RBFOX2: variants seen among roughly 807,000 people sequenced by gnomAD.
The protein encoded by RBFOX2 is RNA binding protein fox-1 homolog 2.
In RBFOX2, 10 loss-of-function variants were observed where a neutral mutation model predicts 49.1. The ratio of observed to expected loss-of-function variants is 0.20; its 90% CI spans 0.13 to 0.35. The LOEUF (loss-of-function observed/expected upper bound fraction) is 0.35. RBFOX2 is among the 10% of genes least tolerant of loss of function. The pLI is 1.00. For missense variants in RBFOX2, 323 were observed against 486.9 expected, an observed-to-expected ratio of 0.66 and a Z score of 3.17; for synonymous variants, 183 against 187.4, an observed-to-expected ratio of 0.98 and a Z score of 0.19.
chr22:35,810,099 T>A, intron 1 of RBFOX2, 95 bp from the exon 3 acceptor site: 1 of 1,214,102 alleles, frequency 8.2e-7, no homozygotes, highest in Non-Finnish European at 1.2e-6. Flanking sequence ...GAATATTCTC[T>A]CACTGCATAG....
chr22:35,780,317 TA>T (rs1944861094), intron 3 of RBFOX2, among the ~76,000 whole-genome samples: 1 of 147,250 alleles, frequency 6.8e-6, no homozygotes, highest in Non-Finnish European at 1.5e-5. Flanking sequence ...GCTTTTCTAA[TA>T]AAGTACCAGG....
chr22:35,986,701 A>T lies in RBFOX2; in HGVS notation c.186+41539T>A, dbSNP rs570702685. On this transcript the variant is annotated intron_variant, in intron 1 of 13. Coordinates refer to the RBFOX2 transcript ENST00000438146. The stretch of plus-strand genomic sequence containing the variant: ...GGCAAAAGAAAGAAGTATCAGCCAG[A>T]ATAGCTAAATGTATAGACGTATTCC... Among the ~76,000 whole-genome samples, 16 of 152,346 alleles carry T rather than the reference A, an allele frequency of 1.1e-4. 1 individual carries two copies. In the South Asian group the frequency reaches 3.3e-3, roughly 32 times the overall value.
intron 6 of RBFOX2, among the ~76,000 whole-genome samples, chr22:35,764,238 A>T (rs543224442): frequency 6.6e-6 from 1 of 152,248 alleles, no homozygotes; most frequent in Admixed American, 6.5e-5. Context: ...TCCTTGATTT[A>T]AGACATTATT....
chr22:35,896,379 CACAAA>C, intron 1 of RBFOX2, among the ~76,000 whole-genome samples: 1 of 152,114 alleles, frequency 6.6e-6, no homozygotes, highest in Non-Finnish European at 1.5e-5. Flanking sequence ...TTAAAGAAAA[CACAAA>C]ACAAAATAAA....
intron 1 of RBFOX2, among the ~76,000 whole-genome samples, chr22:35,815,646 G>T (rs1952881821): frequency 6.6e-6 from 1 of 152,062 alleles, no homozygotes; most frequent in African/African-American, 2.4e-5. Flanking sequence ...CACACAAACA[G>T]ATCAATATTA....
chr22:35,948,115 T>C (rs2054517227), intron 1 of RBFOX2, among the ~76,000 whole-genome samples: 1 of 152,250 alleles, frequency 6.6e-6, no homozygotes, highest in Non-Finnish European at 1.5e-5. Flanking sequence ...ATACATTAGA[T>C]ACATGTTTCC....
At chr22:35,921,662 T>C (rs905462206) in intron 1 of RBFOX2, among the ~76,000 whole-genome samples, 3 of 152,168 alleles carry the variant, frequency 2.0e-5, no homozygotes, top group African/African-American at 7.2e-5. Flanking sequence ...CCCCAGCACA[T>C]TGAGGGAATT....
At chr22:35,897,329 A>T (rs191354679) in intron 1 of RBFOX2, 1 of 1,427,774 alleles carries the variant, frequency 7.0e-7, no homozygotes, top group East Asian at 2.3e-5. Flanking sequence ...AGTAAGTGTG[A>T]TGAAGCCGCA....
At chr22:35,762,465 T>C (rs980529309) in intron 6 of RBFOX2, among the ~76,000 whole-genome samples, 1 of 151,384 alleles carries the variant, frequency 6.6e-6, no homozygotes, top group Non-Finnish European at 1.5e-5. Context: ...ATTCTATAAA[T>C]ATACGAATGA....
upstream of RBFOX2, among the ~76,000 whole-genome samples, chr22:35,962,957 T>A (rs931138621): frequency 6.8e-6 from 1 of 146,354 alleles, no homozygotes; most frequent in South Asian, 2.1e-4. Context: ...AGCCTTGTAG[T>A]AGGAAAGGGA....
intron 1 of RBFOX2, among the ~76,000 whole-genome samples, chr22:35,847,075 G>C (rs770967639): frequency 5.3e-5 from 8 of 152,160 alleles, no homozygotes; most frequent in Non-Finnish European, 1.0e-4. Flanking sequence ...TTCAGGAACA[G>C]TTTCTTAAAT....
At position 35,926,066 on chromosome 22, in the gene RBFOX2, C is replaced by A. The variant is rs113756076; in HGVS notation, c.-34+12781G>T. Among the ~76,000 whole-genome samples the A allele has an allele frequency of 2.5e-3, 377 of 152,256 alleles. 1 individual carries two copies. Among genetic ancestry groups the A allele is most frequent in the African/African-American group, 8.8e-3 (365 of 41,536 alleles). On this transcript the variant is annotated intron_variant, in intron 1 of 13. Transcript: ENST00000359369. ...AAAATATTTAATCTGTAACTGAAAC[C>A]CGTAACTATATTGTCCACCAACTAT...
At chr22:35,953,780 T>C (rs1397684063) in intron 1 of RBFOX2, among the ~76,000 whole-genome samples, 1 of 152,184 alleles carries the variant, frequency 6.6e-6, no homozygotes, top group Non-Finnish European at 1.5e-5. Flanking sequence ...AAATCATCAG[T>C]GACTACAATA....
intron 1 of RBFOX2, among the ~76,000 whole-genome samples, chr22:35,822,517 G>C: frequency 6.6e-6 from 1 of 152,078 alleles, no homozygotes; most frequent in East Asian, 1.9e-4. Context: ...TGGTAACCCA[G>C]GTAAAAGGAC....
intron 1 of RBFOX2, among the ~76,000 whole-genome samples, chr22:35,926,373 C>A (rs1032302408): frequency 2.6e-5 from 4 of 152,180 alleles, no homozygotes; most frequent in Non-Finnish European, 5.9e-5. Context: ...TATAATTTTC[C>A]TTTGTAAATG....
At chr22:35,793,905 T>C (rs1190591065) in intron 2 of RBFOX2, among the ~76,000 whole-genome samples, 2 of 152,182 alleles carry the variant, frequency 1.3e-5, no homozygotes, top group African/African-American at 2.4e-5. Context: ...AAAGGAATTA[T>C]GAAAGGCATC....
intron 1 of RBFOX2, chr22:35,898,278 G>A (rs2048120664): frequency 1.3e-6 from 1 of 750,174 alleles, no homozygotes; most frequent in South Asian, 1.4e-5. Context: ...CCTTTCCCAT[G>A]AGGTATGAGG....
At chr22:35,784,311 C>T (rs1008998125) in intron 2 of RBFOX2, among the ~76,000 whole-genome samples, 21 of 152,084 alleles carry the variant, frequency 1.4e-4, no homozygotes, top group Non-Finnish European at 2.5e-4. Context: ...CAGAGGCAGG[C>T]GAAGTCACAC....
intron 1 of RBFOX2, among the ~76,000 whole-genome samples, chr22:35,823,012 C>T (rs1408375847): frequency 2.6e-5 from 4 of 152,056 alleles, no homozygotes; most frequent in Non-Finnish European, 5.9e-5. Flanking sequence ...TTAGTAGAGA[C>T]AGGGTTTCAC....
Sources: allele counts gnomAD v4.1 joint callset (sites outside exome capture counted in the v4.1 genomes callset), GRCh38; gene constraint gnomAD v4.1.1; transcripts MANE v1.5; gene names NCBI Gene and HGNC (gene_info 2026-07-23, HGNC 2026-07-21).